Variants in METTL16 observed in about 807,000 individuals in gnomAD.
The protein encoded by METTL16 is RNA N(6)-adenosine-methyltransferase METTL16.
A neutral mutation model predicts 57.9 loss-of-function variants in METTL16; 19 were observed. That is an observed-to-expected ratio of 0.33 (90% CI 0.23 to 0.48). METTL16 has a LOEUF of 0.48. Among genes scored for constraint, METTL16 ranks in the 20% least tolerant of loss-of-function variants. METTL16 has a pLI of 0.99. For synonymous variants in METTL16, 246 were observed against 255.6 expected (o/e 0.96, Z 0.36); for missense variants, 434 against 691.5 (o/e 0.63, Z 4.18).
rs1185760519 is a variant in METTL16 at position 2,417,085 on chromosome 17, TGA to T, written c.*2883_*2884del. On this transcript the variant is annotated 3_prime_UTR_variant, in exon 10 of 10. Transcript: ENST00000263092. ...TTTTTTTTTTTTTTTTTTTTTTTTT[TGA>T]GACAGTCCCACTTTGTCGCCCAGGC... 608 of 138,398 alleles carry T rather than the reference TGA, an allele frequency of 4.4e-3. 24 individuals carry two copies. Among genetic ancestry groups the T allele is most frequent in the African/African-American group, 0.017 (582 of 35,016 alleles). 8.6% of individuals were successfully genotyped at this position (138,398 alleles called of 1,614,324 possible).
intron 2 of METTL16, among the ~76,000 whole-genome samples, chr17:2,496,308 T>C (rs2067445066): frequency 6.6e-6 from 1 of 151,532 alleles, no homozygotes; most frequent in Non-Finnish European, 1.5e-5. Context: ...CGTCAAACAG[T>C]GTTTTTTAGA....
intron 7 of METTL16, among the ~76,000 whole-genome samples, chr17:2,439,927 C>A (rs1345351140): frequency 6.6e-6 from 1 of 152,180 alleles, no homozygotes; most frequent in Admixed American, 6.5e-5. Context: ...TGGGTCACGC[C>A]TGTAATCCCA....
chr17:2,476,385 GA>G (rs2067268574), intron 3 of METTL16, among the ~76,000 whole-genome samples: 1 of 152,162 alleles, frequency 6.6e-6, no homozygotes, highest in Non-Finnish European at 1.5e-5. Flanking sequence ...AGTGAGAAAG[GA>G]GCTAAAGGCT....
intron 2 of METTL16, among the ~76,000 whole-genome samples, chr17:2,493,302 G>A (rs1422129725): frequency 6.6e-6 from 1 of 151,538 alleles, no homozygotes; most frequent in Admixed American, 6.6e-5. Context: ...TGTTAGCCAG[G>A]ATAGTCTTGA....
chr17:2,507,442 G>A (rs1304393324), intron 1 of METTL16, among the ~76,000 whole-genome samples: 129 of 146,614 alleles, frequency 8.8e-4, no homozygotes, highest in Middle Eastern at 7.2e-3. Context: ...CTGCCCGGCC[G>A]CCCCTACTGG....
At chr17:2,453,421 C>T (rs1319670805) in intron 6 of METTL16, among the ~76,000 whole-genome samples, 1 of 152,188 alleles carries the variant, frequency 6.6e-6, no homozygotes, top group African/African-American at 2.4e-5. Flanking sequence ...TGATTTTACA[C>T]AGTCCCTCAA....
intron 2 of METTL16, among the ~76,000 whole-genome samples, chr17:2,479,362 G>A (rs1042204871): frequency 1.4e-5 from 2 of 146,654 alleles, no homozygotes. Flanking sequence ...TAGAGAAAAG[G>A]GCCCAGCCCC....
chr17:2,507,601 C>T (rs1274248643), intron 1 of METTL16, among the ~76,000 whole-genome samples: 1 of 152,136 alleles, frequency 6.6e-6, no homozygotes, highest in East Asian at 1.9e-4. Context: ...CCCCTCTGCC[C>T]GGCCACCACC....
At chr17:2,435,167 A>G (rs1435847317) in intron 8 of METTL16, among the ~76,000 whole-genome samples, 1 of 152,180 alleles carries the variant, frequency 6.6e-6, no homozygotes, top group Non-Finnish European at 1.5e-5. Flanking sequence ...GAATGGGCTG[A>G]GTGTGGGCAC....
intron 5 of METTL16, among the ~76,000 whole-genome samples, chr17:2,467,378 A>AT (rs1380521347): frequency 1.3e-5 from 2 of 152,150 alleles, no homozygotes; most frequent in Non-Finnish European, 2.9e-5. Flanking sequence ...TAGTAAGTTA[A>AT]TTTTTTAAAG....
chr17:2,423,479 TA>T (rs1453512837), intron 8 of METTL16, among the ~76,000 whole-genome samples: 2 of 152,188 alleles, frequency 1.3e-5, no homozygotes, highest in Non-Finnish European at 2.9e-5. Flanking sequence ...ACTGAGAGCC[TA>T]ACGCTTTGCA....
chr17:2,458,594 C>T (rs1380555787), intron 6 of METTL16, among the ~76,000 whole-genome samples: 1 of 151,900 alleles, frequency 6.6e-6, no homozygotes, highest in Non-Finnish European at 1.5e-5. Context: ...CATTTGAAAT[C>T]CCAGCAACTA....
intron 2 of METTL16, among the ~76,000 whole-genome samples, chr17:2,482,858 C>T (rs936911007): frequency 2.0e-5 from 3 of 152,112 alleles, no homozygotes; most frequent in Non-Finnish European, 4.4e-5. Flanking sequence ...CTGCAGTGAG[C>T]CAAGATCCCA....
At chr17:2,436,422 C>T (rs2066909379) in intron 8 of METTL16, among the ~76,000 whole-genome samples, 1 of 152,152 alleles carries the variant, frequency 6.6e-6, no homozygotes, top group African/African-American at 2.4e-5. Context: ...GGCTCAACCT[C>T]GGATTTAAGC....
intron 6 of METTL16, among the ~76,000 whole-genome samples, chr17:2,441,760 A>T (rs1030326699): frequency 2.0e-5 from 3 of 152,178 alleles, no homozygotes; most frequent in African/African-American, 7.2e-5. Flanking sequence ...GGCAACTTAA[A>T]AAATAAATAA....
Position 2,510,694 on chromosome 17 carries a change from C to T in METTL16, c.-1+1065G>A, listed in dbSNP as rs531278336. On this transcript the variant is annotated intron_variant, in intron 1 of 9. Coordinates refer to ENST00000263092, the MANE Select transcript of METTL16 (RefSeq NM_024086.4). ...TTTTTTCTTCTTGTTGAGACAAGGT[C>T]TTCCATTCTGTTGCCCAGAGTGCAA... 6.6e-5 allele frequency among the ~76,000 whole-genome samples: 10 copies of T among 151,776 alleles called. No individual in the cohort carries two copies. In the East Asian group the frequency reaches 1.7e-3, roughly 26 times the overall value.
intron 1 of METTL16, among the ~76,000 whole-genome samples, chr17:2,502,757 C>T (rs967459694): frequency 6.6e-6 from 1 of 151,494 alleles, no homozygotes; most frequent in African/African-American, 2.4e-5. Context: ...ATGTCTTTGC[C>T]GATCAAGTGA....
At chr17:2,492,955 C>T (rs974739317) in intron 2 of METTL16, among the ~76,000 whole-genome samples, 1 of 149,010 alleles carries the variant, frequency 6.7e-6, no homozygotes, top group African/African-American at 2.5e-5. Context: ...ACCCTCAAGA[C>T]TGATACTTAA....
At chr17:2,437,275 G>A (rs1042592657) in intron 8 of METTL16, among the ~76,000 whole-genome samples, 1 of 152,082 alleles carries the variant, frequency 6.6e-6, no homozygotes, top group Non-Finnish European at 1.5e-5. Flanking sequence ...TTCAAAAATG[G>A]TTAAGATTCT....
Sources: gnomAD v4.1 joint callset for allele counts (sites outside exome capture counted in the v4.1 genomes callset) on GRCh38, gnomAD v4.1.1 for gene constraint, MANE v1.5 for transcripts, NCBI Gene and HGNC (gene_info 2026-07-23, HGNC 2026-07-21) for gene names.